IPO11: variants seen among roughly 807,000 people sequenced by gnomAD.
IPO11 encodes importin 11.
In IPO11, 66 loss-of-function variants were observed where a neutral mutation model predicts 143.2. The observed-to-expected ratio is 0.46, with a 90% CI of 0.38 to 0.57. IPO11 has a LOEUF of 0.57. Ranked by LOEUF, IPO11 falls within the 20% of genes least tolerant of loss-of-function variation. The probability of loss-of-function intolerance (pLI) is 0.00; values close to 1 mark genes in which losing one functional copy is unlikely to be tolerated. For missense variants in IPO11, 1,026 were observed against 1,141.0 expected (o/e 0.90, Z 1.45); for synonymous variants, 385 against 377.8 (o/e 1.02, Z -0.22).
At chr5:62,546,826 G>A (rs1029833182) in intron 24 of IPO11, among the ~76,000 whole-genome samples, 1 of 152,150 alleles carries the variant, frequency 6.6e-6, no homozygotes, top group Admixed American at 6.6e-5. Context: ...GAGAATATAA[G>A]TAAGGAGCAT....
chr5:62,612,270 G>C (rs1667051609), intron 29 of IPO11, among the ~76,000 whole-genome samples: 3 of 152,166 alleles, frequency 2.0e-5, no homozygotes, highest in Admixed American at 6.5e-5. Context: ...TTTATTCAGA[G>C]AGTAAGACAG....
intron 27 of IPO11, among the ~76,000 whole-genome samples, chr5:62,576,632 A>G (rs952359501): frequency 1.3e-5 from 2 of 152,016 alleles, no homozygotes; most frequent in African/African-American, 4.8e-5. Flanking sequence ...CTTTACAAAA[A>G]TAAGAAAAAG....
intron 11 of IPO11, among the ~76,000 whole-genome samples, chr5:62,484,913 T>C (rs1746342402): frequency 6.6e-6 from 1 of 152,024 alleles, no homozygotes; most frequent in South Asian, 2.1e-4. Context: ...TTTGCTTTTT[T>C]TGAAACATCT....
At chr5:62,541,645 T>C (rs1368962932) in intron 24 of IPO11, among the ~76,000 whole-genome samples, 1 of 151,858 alleles carries the variant, frequency 6.6e-6, no homozygotes, top group Non-Finnish European at 1.5e-5. Flanking sequence ...TGTGCCACTA[T>C]ACTCCAGCCT....
At chr5:62,604,610 C>G (rs1745633840) in intron 29 of IPO11, among the ~76,000 whole-genome samples, 1 of 152,180 alleles carries the variant, frequency 6.6e-6, no homozygotes, top group South Asian at 2.1e-4. Context: ...CTCACACCCC[C>G]ACTTTATCAT....
intron 16 of IPO11, among the ~76,000 whole-genome samples, chr5:62,502,438 A>G (rs572951183): frequency 2.0e-5 from 3 of 152,336 alleles, no homozygotes; most frequent in South Asian, 4.1e-4. Flanking sequence ...AAGCTCAGGA[A>G]GAGCCGACTG....
intron 28 of IPO11, among the ~76,000 whole-genome samples, chr5:62,595,730 G>A (rs1301978985): frequency 1.3e-5 from 2 of 151,828 alleles, no homozygotes; most frequent in African/African-American, 4.8e-5. Flanking sequence ...TATTTGTTGG[G>A]GTTTTGTTGG....
intron 27 of IPO11, among the ~76,000 whole-genome samples, chr5:62,563,779 C>A (rs571257498): frequency 6.6e-6 from 1 of 151,828 alleles, no homozygotes. Context: ...TTCTGGCACT[C>A]AAAAAAATCT....
intron 5 of IPO11, among the ~76,000 whole-genome samples, chr5:62,452,662 C>CGTGTGTGTGTGTGTGTGT (rs138539006): frequency 1.4e-5 from 2 of 140,104 alleles, no homozygotes; most frequent in Admixed American, 1.4e-4. Flanking sequence ...GTTTTGGGTT[C>CGTGTGTGTGTGTGTGTGT]GTGTGTGTGT....
chr5:62,608,138 C>G (rs1480780454), intron 29 of IPO11, among the ~76,000 whole-genome samples: 3 of 152,092 alleles, frequency 2.0e-5, no homozygotes, highest in African/African-American at 4.8e-5. Flanking sequence ...ACATCTTGAC[C>G]CCAAACCTTG....
intron 3 of IPO11, among the ~76,000 whole-genome samples, chr5:62,444,987 T>C (rs945416740): frequency 6.6e-6 from 1 of 151,854 alleles, no homozygotes; most frequent in Non-Finnish European, 1.5e-5. Flanking sequence ...GTTGTACTTT[T>C]ACATAATGAA....
intron 9 of IPO11, 84 bp downstream of exon 9, chr5:62,476,837 A>G (rs1314750353): frequency 2.3e-6 from 3 of 1,332,744 alleles, no homozygotes; most frequent in South Asian, 1.7e-5. Context: ...ATAACCATAC[A>G]TTTTCACTTT....
chr5:62,503,534 C>T (rs1741433919), intron 16 of IPO11, among the ~76,000 whole-genome samples: 1 of 151,956 alleles, frequency 6.6e-6, no homozygotes, highest in Non-Finnish European at 1.5e-5. Flanking sequence ...CAGCAGCTAA[C>T]ACAGTGCCGA....
intron 28 of IPO11, among the ~76,000 whole-genome samples, chr5:62,592,037 A>G (rs1745043345): frequency 6.6e-6 from 1 of 152,032 alleles, no homozygotes; most frequent in Non-Finnish European, 1.5e-5. Flanking sequence ...TTTAGTAGAG[A>G]CGGGGTTTCT....
chr5:62,454,425 A>G (rs1745052293), intron 5 of IPO11, among the ~76,000 whole-genome samples: 1 of 152,156 alleles, frequency 6.6e-6, no homozygotes, highest in Non-Finnish European at 1.5e-5. Context: ...GTTACAGTTA[A>G]CTGTTATTAA....
At chr5:62,452,479 G>A (rs1375925873) in intron 5 of IPO11, among the ~76,000 whole-genome samples, 2 of 150,866 alleles carry the variant, frequency 1.3e-5, no homozygotes, top group African/African-American at 2.5e-5. Context: ...TGAGATGATA[G>A]GTCTCTTGAA....
intron 28 of IPO11, among the ~76,000 whole-genome samples, chr5:62,596,877 A>G (rs1215388159): frequency 3.3e-5 from 5 of 152,120 alleles, no homozygotes; most frequent in Non-Finnish European, 7.3e-5. Context: ...GTCTCCCTGG[A>G]TTCTTCATCA....
intron 27 of IPO11, among the ~76,000 whole-genome samples, chr5:62,565,219 C>T (rs1743892587): frequency 1.3e-5 from 2 of 152,198 alleles, no homozygotes; most frequent in African/African-American, 4.8e-5. Context: ...GCACAGTGGG[C>T]TCACACCTGT....
chr5:62,599,994 A>G lies in IPO11; in HGVS notation c.2679-1770A>G, dbSNP rs188344885. ...TCAGTGAAAGAAGTAAAATCTGTAT[A>G]TATGTAACTCCAGAGTATACTCTAA... On this transcript the variant is annotated intron_variant, in intron 28 of 29. Transcript: ENST00000325324. Among the ~76,000 whole-genome samples, 575 of 152,278 alleles carry G rather than the reference A, an allele frequency of 3.8e-3. 4 individuals are homozygous for G. The highest frequency in any genetic ancestry group is 7.0e-3 in the Non-Finnish European group (478 of 68,020).
Sources: allele counts gnomAD v4.1 joint callset (sites outside exome capture counted in the v4.1 genomes callset), GRCh38; gene constraint gnomAD v4.1.1; transcripts MANE v1.5; gene names NCBI Gene and HGNC (gene_info 2026-07-23, HGNC 2026-07-21).